TANC2: variants seen among roughly 807,000 people sequenced by gnomAD.
TANC2 encodes tetratricopeptide repeat, ankyrin repeat and coiled-coil containing 2, also known as protein TANC2.
Under a neutral mutation model 210.5 loss-of-function variants are expected in TANC2, and 26 were observed. The ratio of observed to expected loss-of-function variants is 0.12; its 90% CI spans 0.09 to 0.17. The LOEUF (loss-of-function observed/expected upper bound fraction) is 0.17. Ranked by LOEUF, TANC2 falls within the 10% of genes least tolerant of loss-of-function variation. TANC2 has a pLI of 1.00. For missense variants in TANC2, 2,129 were observed against 2,608.9 expected, an observed-to-expected ratio of 0.82 and a Z score of 4.01; for synonymous variants, 931 against 967.1, an observed-to-expected ratio of 0.96 and a Z score of 0.69.
chr17:63,301,020 C>T (rs985277972), intron 9 of TANC2, among the ~76,000 whole-genome samples: 3 of 152,156 alleles, frequency 2.0e-5, no homozygotes, highest in Non-Finnish European at 2.9e-5. Context: ...ACCTTTTCTT[C>T]ATCTGTTGAG....
At chr17:63,424,156 C>G (rs1029385546) in exon 28 of TANC2, 2 of 152,220 alleles carry the variant, frequency 1.3e-5, no homozygotes, top group Non-Finnish European at 2.9e-5. Flanking sequence ...CCGCACTCAC[C>G]TGTCCAGGCG....
At chr17:62,995,012 A>G (rs918124703) in intron 1 of TANC2, among the ~76,000 whole-genome samples, 1 of 152,246 alleles carries the variant, frequency 6.6e-6, no homozygotes, top group African/African-American at 2.4e-5. Context: ...ATGATGCAAT[A>G]CTTTGGGCAA....
intron 8 of TANC2, among the ~76,000 whole-genome samples, chr17:63,250,770 C>A (rs554022661): frequency 9.2e-5 from 14 of 152,158 alleles, no homozygotes; most frequent in African/African-American, 3.4e-4. Context: ...ATGTAGTTTA[C>A]ATTATTGCTG....
intron 14 of TANC2, among the ~76,000 whole-genome samples, chr17:63,369,333 A>G (rs1259134445): frequency 6.6e-6 from 1 of 152,116 alleles, no homozygotes; most frequent in African/African-American, 2.4e-5. Flanking sequence ...GAATCTATCG[A>G]TGATACCATA....
chr17:63,397,501 A>G (rs1355535630), intron 18 of TANC2, among the ~76,000 whole-genome samples: 1 of 152,186 alleles, frequency 6.6e-6, no homozygotes. Context: ...CTGTTAAACT[A>G]CTTCTCGTCC....
At chr17:63,085,886 A>G (rs2036946129) in intron 3 of TANC2, among the ~76,000 whole-genome samples, 2 of 152,156 alleles carry the variant, frequency 1.3e-5, no homozygotes, top group Admixed American at 6.5e-5. Context: ...TCTGACCTAT[A>G]TCATTTTATT....
intron 9 of TANC2, among the ~76,000 whole-genome samples, chr17:63,278,314 G>GACTT (rs1352837102): frequency 6.6e-6 from 1 of 152,006 alleles, no homozygotes; most frequent in African/African-American, 2.4e-5. Flanking sequence ...ATGGACAAAG[G>GACTT]ACTTACATAG....
intron 5 of TANC2, among the ~76,000 whole-genome samples, chr17:63,176,569 G>C (rs1290433238): frequency 1.3e-5 from 2 of 152,174 alleles, no homozygotes; most frequent in African/African-American, 4.8e-5. Context: ...ACTTTGGGAG[G>C]CTGAGGCGGA....
At chr17:63,242,527 G>T (rs1343290809) in intron 8 of TANC2, among the ~76,000 whole-genome samples, 1 of 152,084 alleles carries the variant, frequency 6.6e-6, no homozygotes, top group Non-Finnish European at 1.5e-5. Context: ...GCAGATTGCG[G>T]TATCCTATTG....
intron 2 of TANC2, among the ~76,000 whole-genome samples, chr17:63,072,448 T>A (rs542680330): frequency 6.6e-6 from 1 of 152,128 alleles, no homozygotes; most frequent in Non-Finnish European, 1.5e-5. Flanking sequence ...AAATTTCTTA[T>A]ATTTGTCTTT....
At chr17:63,231,885 G>C (rs1382669227) in intron 7 of TANC2, among the ~76,000 whole-genome samples, 1 of 152,028 alleles carries the variant, frequency 6.6e-6, no homozygotes, top group Non-Finnish European at 1.5e-5. Context: ...CCCTGTCTCA[G>C]GTACCCTAGT....
At chr17:63,333,043 C>T (rs1005719479) in intron 11 of TANC2, among the ~76,000 whole-genome samples, 1 of 152,206 alleles carries the variant, frequency 6.6e-6, no homozygotes, top group Non-Finnish European at 1.5e-5. Flanking sequence ...CTGATGGTGA[C>T]ATACAAGGAG....
intron 3 of TANC2, among the ~76,000 whole-genome samples, chr17:63,082,037 G>T (rs1483515834): frequency 6.6e-6 from 1 of 152,040 alleles, no homozygotes; most frequent in Non-Finnish European, 1.5e-5. Flanking sequence ...TGGGCGTGGT[G>T]GCGGGCGCCT....
At chr17:63,296,910 G>A (rs909340589) in intron 9 of TANC2, among the ~76,000 whole-genome samples, 2 of 152,042 alleles carry the variant, frequency 1.3e-5, no homozygotes, top group African/African-American at 4.8e-5. Flanking sequence ...AAATGAACAA[G>A]CCTACAAGAT....
intron 7 of TANC2, among the ~76,000 whole-genome samples, chr17:63,235,211 A>G (rs1393739050): frequency 6.6e-6 from 1 of 152,088 alleles, no homozygotes; most frequent in Non-Finnish European, 1.5e-5. Flanking sequence ...ATTTGCTACC[A>G]CATACTATCC....
rs142773447 is a variant in TANC2, at chr17:63,314,888, C to T, written c.1441+219C>T. 1.8e-4 allele frequency among the ~76,000 whole-genome samples: 28 copies of T among 152,268 alleles called. No individual in the cohort carries two copies. In the East Asian group the frequency reaches 4.1e-3, roughly 22 times the overall value. On this transcript the variant is annotated intron_variant, in intron 10 of 27. Transcript: ENST00000689528. Reference sequence around the variant, plus strand: ...AGCGTGACTGAAGAAAAACCTTTCTCGTGGAATAAGTTTATGACTCCTCCG... The same window carrying T: ...AGCGTGACTGAAGAAAAACCTTTCTTGTGGAATAAGTTTATGACTCCTCCG...
chr17:63,099,396 A>G (rs767848696), intron 4 of TANC2, 39 bp downstream of exon 4: 4 of 1,413,574 alleles, frequency 2.8e-6, no homozygotes, highest in Non-Finnish European at 3.8e-6. Context: ...TTAACAGGAA[A>G]CCTAACGATA....
chr17:63,388,586 A>T, intron 15 of TANC2, 49 bp from the exon 16 acceptor site: 1 of 1,561,534 alleles, frequency 6.4e-7, no homozygotes, highest in Non-Finnish European at 8.7e-7. Flanking sequence ...CACTGATGCT[A>T]CTTTTTTTTG....
At chr17:63,206,772 A>G (rs953974183) in intron 7 of TANC2, among the ~76,000 whole-genome samples, 5 of 152,160 alleles carry the variant, frequency 3.3e-5, no homozygotes, top group African/African-American at 1.2e-4. Context: ...TCAGTTGGGG[A>G]TGATGAAAAG....
Sources: allele counts gnomAD v4.1 joint callset (sites outside exome capture counted in the v4.1 genomes callset), GRCh38; gene constraint gnomAD v4.1.1; transcripts MANE v1.5; gene names NCBI Gene and HGNC (gene_info 2026-07-23, HGNC 2026-07-21).